TEX12: variants seen among roughly 807,000 people sequenced by gnomAD.
TEX12 encodes the protein testis-expressed protein 12.
A neutral mutation model predicts 14.6 loss-of-function variants in TEX12; 7 were observed. The observed-to-expected ratio is 0.48, with a 90% CI of 0.27 to 0.90. TEX12 has a LOEUF of 0.90. Among genes scored for constraint, TEX12 ranks in the 40% least tolerant of loss-of-function variants. The pLI, the probability that TEX12 is intolerant of heterozygous loss-of-function variation, is 0.12. For synonymous variants in TEX12, 57 were observed against 49.1 expected (o/e 1.16, Z -0.67); for missense variants, 121 against 135.7 (o/e 0.89, Z 0.54).
rs954246588 is a variant in TEX12, at chr11:112,172,257, A to G, written c.*341A>G. The G allele has an allele frequency of 6.5e-6, 1 of 153,766 alleles. No homozygotes were observed. The highest frequency in any genetic ancestry group is 1.4e-5 in the Non-Finnish European group (1 of 69,120). The allele number at this position is 153,766 out of a possible 1,614,324, so 9.5% of individuals were successfully genotyped here. A position where few individuals can be genotyped will look rare whatever the true frequency, so the allele number is the denominator to read the frequency against. On this transcript the variant is annotated 3_prime_UTR_variant, in exon 5 of 5. Coordinates refer to ENST00000280358, the MANE Select transcript of TEX12 (RefSeq NM_031275.4). ...ACTTCTTAGTGTTTCTGAAACTTCT[A>G]AAAAAGGATTCAGTTAATTTATAAT...
At chr11:112,168,596 G>C (rs866733360) in intron 1 of TEX12, among the ~76,000 whole-genome samples, 10 of 151,712 alleles carry the variant, frequency 6.6e-5, no homozygotes, top group African/African-American at 1.7e-4. Context: ...CTGTTGCCCA[G>C]GCTGGAGTGC....
Position 112,171,887 on chromosome 11 carries a change from A to G in TEX12, c.343A>G (p.Thr115Ala). 2 of 1,579,002 alleles carry G rather than the reference A, an allele frequency of 1.3e-6. No individual in the cohort carries two copies. The highest frequency in any genetic ancestry group is 1.2e-5 in the South Asian group (1 of 84,252). The change falls in exon 5 of 5, where the codon ACA becomes GCA. Residue 115 changes from threonine to alanine, a missense_variant. Coordinates refer to ENST00000280358, the MANE Select transcript of TEX12 (RefSeq NM_031275.4). ...AAGAGAGTTCCTGCGACAGAGGTTT[A>G]CAGTGATTGCAAACACATTACACAG... ...QKREFLRQRF[T>A]VIANTLHR
At chr11:112,169,458 G>T (rs567096812) in intron 2 of TEX12, 127 bp downstream of exon 2, 5 of 705,170 alleles carry the variant, frequency 7.1e-6, no homozygotes, top group African/African-American at 5.3e-5. Flanking sequence ...AGCTAGGATT[G>T]TCCTACAACA....
chr11:112,170,274 A>G, intron 2 of TEX12, 145 bp from the exon 3 acceptor site: 4 of 516,628 alleles, frequency 7.7e-6, no homozygotes, highest in Non-Finnish European at 1.3e-5. Context: ...CTTAATAATA[A>G]AAACTCAAAT....
At chr11:112,170,390 T>TA in intron 2 of TEX12, 29 bp from the exon 3 acceptor site, 1 of 1,396,194 alleles carries the variant, frequency 7.2e-7, no homozygotes, top group Non-Finnish European at 9.9e-7. Flanking sequence ...TTATTGACTG[T>TA]ACCTGTTTTC....
chr11:112,170,353 A>G (rs1566755737), intron 2 of TEX12, 66 bp from the exon 3 acceptor site: 1 of 1,106,926 alleles, frequency 9.0e-7, no homozygotes, highest in African/African-American at 1.6e-5. Flanking sequence ...TTTTCTTAAT[A>G]AACAAAATGT....
intron 1 of TEX12, among the ~76,000 whole-genome samples, chr11:112,167,788 A>G (rs991718830): frequency 6.6e-6 from 1 of 152,182 alleles, no homozygotes; most frequent in Non-Finnish European, 1.5e-5. Flanking sequence ...GCCTTGAGCC[A>G]TGACAGGAAA....
Position 112,169,237 on chromosome 11 carries a change from G to T in TEX12, c.-16-16G>T, listed in dbSNP as rs1866762113. 2 of 1,591,492 alleles carry T rather than the reference G, an allele frequency of 1.3e-6. No individual in the cohort carries two copies. The highest frequency in any genetic ancestry group is 3.3e-5 in the Admixed American group (2 of 59,926). On this transcript the variant is annotated splice_polypyrimidine_tract_variant and intron_variant, in intron 1 of 4. Coordinates refer to ENST00000280358, the MANE Select transcript of TEX12 (RefSeq NM_031275.4). The stretch of plus-strand genomic sequence containing the variant: ...GGAGTTTGTACCTAAATCTGGCATT[G>T]TTCTAAGCTTTGTAGCTGGTGCCTT...
intron 2 of TEX12, among the ~76,000 whole-genome samples, 187 bp downstream of exon 2, chr11:112,169,518 C>G (rs187908228): frequency 7.3e-4 from 111 of 152,204 alleles, no homozygotes; most frequent in Middle Eastern, 3.4e-3. Flanking sequence ...GTATAGGCCT[C>G]CAAGAAACTA....
chr11:112,171,537 A>G (rs1866789952), intron 4 of TEX12, among the ~76,000 whole-genome samples: 1 of 152,028 alleles, frequency 6.6e-6, no homozygotes, highest in Non-Finnish European at 1.5e-5. Flanking sequence ...GTAATTGAAT[A>G]TTAGTGTTAT....
chr11:112,171,765 C>A lies in TEX12; in HGVS notation c.228-7C>A. ...TTAGTTTAATATACAACTTTTTTTC[C>A]TATTAGTGAGAGAGCAGCAGTAGAT... is the stretch of plus-strand genomic sequence containing the variant. On this transcript the variant is annotated splice_polypyrimidine_tract_variant and splice_region_variant and intron_variant, in intron 4 of 4. Transcript: ENST00000280358. The A allele has an allele frequency of 1.3e-6, 2 of 1,505,586 alleles. No individual in the cohort carries two copies. The highest frequency in any genetic ancestry group is 1.8e-6 in the Non-Finnish European group (2 of 1,127,520). 93.3% of individuals were successfully genotyped at this position (1,505,586 alleles called of 1,614,324 possible). A position where few individuals can be genotyped will look rare whatever the true frequency, so the allele number is the denominator to read the frequency against.
chr11:112,169,979 T>G (rs1022153342), intron 2 of TEX12, among the ~76,000 whole-genome samples: 1 of 152,158 alleles, frequency 6.6e-6, no homozygotes, highest in Non-Finnish European at 1.5e-5. Context: ...CAGATCAGCC[T>G]GGGCAACACT....
intron 1 of TEX12, among the ~76,000 whole-genome samples, chr11:112,168,222 G>A (rs921109066): frequency 6.6e-6 from 1 of 152,178 alleles, no homozygotes; most frequent in African/African-American, 2.4e-5. Context: ...AAACAACAAA[G>A]TCAATTGATA....
chr11:112,171,482 C>A (rs939735552), intron 4 of TEX12, among the ~76,000 whole-genome samples: 2 of 151,840 alleles, frequency 1.3e-5, no homozygotes, highest in Non-Finnish European at 2.9e-5. Flanking sequence ...GCCGGACAGT[C>A]ATTATACTTG....
intron 1 of TEX12, among the ~76,000 whole-genome samples, chr11:112,168,127 C>T (rs1866748198): frequency 6.6e-6 from 1 of 152,188 alleles, no homozygotes; most frequent in South Asian, 2.1e-4. Context: ...TTTGTTGTTG[C>T]TCTTTCTGTC....
chr11:112,168,931 A>G (rs984844224), intron 1 of TEX12, among the ~76,000 whole-genome samples: 12 of 152,220 alleles, frequency 7.9e-5, no homozygotes, highest in African/African-American at 2.7e-4. Context: ...AAGTACATAG[A>G]GAGGAGTAGT....
chr11:112,170,314 G>T, intron 2 of TEX12, 105 bp from the exon 3 acceptor site: 1 of 741,728 alleles, frequency 1.3e-6, no homozygotes, highest in Non-Finnish European at 2.2e-6. Flanking sequence ...TAGCATGTTT[G>T]CCTTTTTCTG....
chr11:112,171,792 C>A lies in TEX12; in HGVS notation c.248C>A (p.Ala83Glu). ...KLLSERAAVD[A>E]SYIDEIDELF... The stretch of plus-strand genomic sequence containing the variant: ...ATTAGTGAGAGAGCAGCAGTAGATG[C>A]ATCTTACATTGATGAGATAGATGAA... Residue 83 changes from alanine to glutamate, a missense_variant, in exon 5 of 5, where the codon GCA becomes GAA. Physicochemically the swap from Ala to Glu is moderately radical, Grantham distance 107. Coordinates refer to ENST00000280358, the MANE Select transcript of TEX12 (RefSeq NM_031275.4). 6.4e-7 allele frequency: 1 copy of A among 1,564,600 alleles called. No homozygotes were observed. The highest frequency in any genetic ancestry group is 8.6e-7 in the Non-Finnish European group (1 of 1,159,438).
chr11:112,167,646 G>C (rs1866742793), intron 1 of TEX12, among the ~76,000 whole-genome samples, 159 bp downstream of exon 1: 1 of 152,070 alleles, frequency 6.6e-6, no homozygotes, highest in Non-Finnish European at 1.5e-5. Context: ...GAAGGAGACA[G>C]CTGCATGGGG....
Sources: gnomAD v4.1 joint callset for allele counts (sites outside exome capture counted in the v4.1 genomes callset) on GRCh38, gnomAD v4.1.1 for gene constraint, MANE v1.5 for transcripts, NCBI Gene and HGNC (gene_info 2026-07-23, HGNC 2026-07-21) for gene names.